Variants in BDKRB2 observed in about 807,000 individuals in gnomAD.
BDKRB2 encodes bradykinin receptor B2.
Under a neutral mutation model 4.0 loss-of-function variants are expected in BDKRB2, and 6 were observed. The observed-to-expected ratio is 1.49, with a 90% CI of 0.81 to 2.93. The LOEUF is 2.93. Ranked by LOEUF, BDKRB2 falls within the 30% of genes most tolerant of loss-of-function variation. The pLI is 0.00. For synonymous variants in BDKRB2, 225 were observed against 215.3 expected, an observed-to-expected ratio of 1.05 and a Z score of -0.40; for missense variants, 478 against 520.1, an observed-to-expected ratio of 0.92 and a Z score of 0.79.
chr14:96,239,877 G>A (rs1885225747), intron 2 of BDKRB2: 1 of 985,600 alleles, frequency 1.0e-6, no homozygotes. Context: ...GAAATACGAT[G>A]CCACAGACTG....
intron 1 of BDKRB2, among the ~76,000 whole-genome samples, chr14:96,213,772 A>G (rs1890356821): frequency 6.6e-6 from 1 of 151,430 alleles, no homozygotes; most frequent in African/African-American, 2.4e-5. Context: ...CCCCAAAACA[A>G]TCACAAGTAT....
Position 96,241,223 on chromosome 14 carries a change from G to C in BDKRB2, c.895G>C (p.Gly299Arg), listed in dbSNP as rs769027698. 7 of 1,610,958 alleles carry C rather than the reference G, an allele frequency of 4.3e-6. No individual in the cohort carries two copies. In the Admixed American group the frequency reaches 1.2e-4, roughly 27 times the overall value. Residue 299 changes from glycine to arginine, a missense_variant, in exon 3 of 3, where the codon GGC (glycine) becomes CGC (arginine). Transcript: ENST00000554311. ...STFLDTLHRL[G>R]ILSSCQDERI... Reference sequence around the variant, plus strand: ...CTTCCTGGATACGCTGCATCGCCTCGGCATCCTCTCCAGCTGCCAGGACGA... The same window carrying C: ...CTTCCTGGATACGCTGCATCGCCTCCGCATCCTCTCCAGCTGCCAGGACGA...
chr14:96,225,884 C>A (rs946858528), intron 1 of BDKRB2, among the ~76,000 whole-genome samples: 1 of 152,158 alleles, frequency 6.6e-6, no homozygotes, highest in Non-Finnish European at 1.5e-5. Flanking sequence ...ACTGGTTAGG[C>A]AGAGACCCCG....
chr14:96,228,340 T>C (rs1890745486), intron 1 of BDKRB2, among the ~76,000 whole-genome samples: 3 of 152,176 alleles, frequency 2.0e-5, no homozygotes, highest in Admixed American at 2.0e-4. Flanking sequence ...GTGACAGCCT[T>C]TTACACCCTG....
chr14:96,238,047 C>T, intron 2 of BDKRB2: 1 of 1,108,772 alleles, frequency 9.0e-7, no homozygotes, highest in Non-Finnish European at 1.1e-6. Context: ...GAAGTCTTAC[C>T]TTCAGAGGAC....
intron 1 of BDKRB2, among the ~76,000 whole-genome samples, chr14:96,232,516 C>T (rs1429917933): frequency 6.6e-6 from 1 of 152,242 alleles, no homozygotes; most frequent in Non-Finnish European, 1.5e-5. Context: ...TACTTTTGAA[C>T]TGCAACTTCA....
At chr14:96,213,928 A>G (rs1332821246) in intron 1 of BDKRB2, among the ~76,000 whole-genome samples, 1 of 152,212 alleles carries the variant, frequency 6.6e-6, no homozygotes, top group Non-Finnish European at 1.5e-5. Context: ...GCCTCCCTAC[A>G]TAAGCAAAGG....
chr14:96,235,182 T>C (rs1890902417), intron 1 of BDKRB2, among the ~76,000 whole-genome samples: 1 of 151,850 alleles, frequency 6.6e-6, no homozygotes. Flanking sequence ...ACCTCATCTC[T>C]ACCAAAAATA....
At position 96,240,193 on chromosome 14, in the gene BDKRB2, C is replaced by T. The variant is rs959614624; in HGVS notation, c.75-210C>T. On this transcript the variant is annotated intron_variant, in intron 2 of 2. Transcript: ENST00000554311. ...AGCCTCGAGATGAAGAACATGAGGCCCCCGTTTAGATCCAAGGATCAGAGG... is the reference window on the plus strand; with the variant it reads ...AGCCTCGAGATGAAGAACATGAGGCTCCCGTTTAGATCCAAGGATCAGAGG... 3.1e-6 allele frequency: 4 copies of T among 1,289,774 alleles called. No homozygotes were observed. The African/African-American group carries it at 6.0e-5, about 19-fold the overall frequency. The allele number at this position is 1,289,774 out of a possible 1,614,324, so 79.9% of individuals were successfully genotyped here.
intron 1 of BDKRB2, among the ~76,000 whole-genome samples, chr14:96,236,741 C>T (rs969275249): frequency 6.6e-6 from 1 of 152,216 alleles, no homozygotes; most frequent in Admixed American, 6.5e-5. Flanking sequence ...TAGTTCTGCT[C>T]ACCCTCAGTG....
intron 1 of BDKRB2, among the ~76,000 whole-genome samples, chr14:96,223,659 A>C (rs1015583110): frequency 6.6e-6 from 1 of 152,134 alleles, no homozygotes; most frequent in Non-Finnish European, 1.5e-5. Context: ...CATGGCTGTT[A>C]CAGGGATCAT....
chr14:96,213,392 G>A (rs1487144547), intron 1 of BDKRB2, among the ~76,000 whole-genome samples: 1 of 152,108 alleles, frequency 6.6e-6, no homozygotes, highest in East Asian at 1.9e-4. Context: ...AGAGGACACT[G>A]GGACAGTCAC....
chr14:96,235,146 G>A lies in BDKRB2; in HGVS notation c.-39-1923G>A, dbSNP rs1890901887. On this transcript the variant is annotated intron_variant, in intron 1 of 2. Coordinates refer to ENST00000554311, the MANE Select transcript of BDKRB2 (RefSeq NM_001379692.1). ...GTGGATTGTTTGAGGTCAGGAGTTC[G>A]AGACCAACCTGGCCAACATGGCAAA... Among the ~76,000 whole-genome samples, 2 of 152,060 alleles carry A rather than the reference G, an allele frequency of 1.3e-5. 1 individual carries two copies. Among genetic ancestry groups the A allele is most frequent in the Non-Finnish European group, 2.9e-5 (2 of 68,008 alleles).
intron 1 of BDKRB2, chr14:96,233,443 G>C (rs906935226): frequency 1.3e-5 from 2 of 152,330 alleles, no homozygotes; most frequent in Non-Finnish European, 2.9e-5. Flanking sequence ...GCCTGTCGGG[G>C]CTCCTCTCAG....
chr14:96,242,695 G>A lies in BDKRB2; in HGVS notation c.*1191G>A. The A allele has an allele frequency of 6.6e-6, 1 of 152,406 alleles. No individual in the cohort carries two copies. The highest frequency in any genetic ancestry group is 1.5e-5 in the Non-Finnish European group (1 of 68,106). 9.4% of individuals were successfully genotyped at this position (152,406 alleles called of 1,614,324 possible). On this transcript the variant is annotated 3_prime_UTR_variant, in exon 3 of 3. Coordinates refer to ENST00000554311, the MANE Select transcript of BDKRB2 (RefSeq NM_001379692.1). ...AAGTCTGATTTGTGATGAGGCAGAG[G>A]AAGATATTTCTAATCGGTCTTGCCC...
At chr14:96,232,258 T>A (rs544618895) in intron 1 of BDKRB2, among the ~76,000 whole-genome samples, 13 of 151,786 alleles carry the variant, frequency 8.6e-5, no homozygotes, top group South Asian at 4.2e-4. Flanking sequence ...AAAATACCAA[T>A]CCCCACTGTA....
At chr14:96,229,019 T>TG (rs1450138346) in intron 1 of BDKRB2, among the ~76,000 whole-genome samples, 1 of 152,124 alleles carries the variant, frequency 6.6e-6, no homozygotes, top group African/African-American at 2.4e-5. Flanking sequence ...CTGGAACAGG[T>TG]GGGGCACACT....
chr14:96,221,505 A>C (rs918168398), intron 1 of BDKRB2, among the ~76,000 whole-genome samples: 2 of 152,120 alleles, frequency 1.3e-5, no homozygotes, highest in Non-Finnish European at 2.9e-5. Flanking sequence ...GTCAACAGAC[A>C]TTCACAGTAT....
Position 96,241,251 on chromosome 14 carries a change from G to T in BDKRB2, c.923G>T (p.Arg308Leu), listed in dbSNP as rs201166893. Residue 308 changes from arginine (R) to leucine (L), a missense_variant, in exon 3 of 3, where the codon CGC becomes CTC. By Grantham distance (102) the Arg-to-Leu change is moderately radical. Coordinates refer to ENST00000554311, the MANE Select transcript of BDKRB2 (RefSeq NM_001379692.1). ...ATCCTCTCCAGCTGCCAGGACGAGC[G>T]CATCATCGATGTAATCACACAGATC... Reference protein sequence around the residue: ...LGILSSCQDERIIDVITQIAS... With the variant: ...LGILSSCQDELIIDVITQIAS... The T allele has an allele frequency of 6.2e-7, 1 of 1,613,224 alleles. No homozygotes were observed. Among genetic ancestry groups the T allele is most frequent in the Non-Finnish European group, 8.5e-7 (1 of 1,179,332 alleles).
Sources: allele counts gnomAD v4.1 joint callset (sites outside exome capture counted in the v4.1 genomes callset), GRCh38; gene constraint gnomAD v4.1.1; transcripts MANE v1.5; gene names NCBI Gene and HGNC (gene_info 2026-07-23, HGNC 2026-07-21).